The following RANBP2 variants were observed in gnomAD, a reference collection of about 807,000 sequenced individuals.
The protein encoded by RANBP2 is E3 SUMO-protein ligase RanBP2.
A neutral mutation model predicts 303.6 loss-of-function variants in RANBP2; 57 were observed. That is an observed-to-expected ratio of 0.19 (90% CI 0.15 to 0.23). The LOEUF is 0.23. Among genes scored for constraint, RANBP2 ranks in the 10% least tolerant of loss-of-function variants. The pLI is 1.00. For missense variants in RANBP2, 3,138 were observed against 3,780.8 expected (o/e 0.83, Z 4.46); for synonymous variants, 1,167 against 1,301.5 (o/e 0.90, Z 2.23).
the RANBP2 span, among the ~76,000 whole-genome samples, chr2:108,901,964 G>A: frequency 6.6e-6 from 1 of 152,106 alleles, no homozygotes; most frequent in East Asian, 1.9e-4. Context: ...TTAGGGCTGG[G>A]CATGGTGGCT....
At chr2:109,726,571 A>C in the RANBP2 span, among the ~76,000 whole-genome samples, 1 of 152,082 alleles carries the variant, frequency 6.6e-6, no homozygotes, top group South Asian at 2.1e-4. Context: ...GTGATCATTA[A>C]CCACTTTCGT....
At chr2:109,762,472 G>C in the RANBP2 span, among the ~76,000 whole-genome samples, 1 of 147,550 alleles carries the variant, frequency 6.8e-6, no homozygotes. Flanking sequence ...CTGCTTGTCT[G>C]CTTGCTGACT....
At chr2:108,722,125 A>G (rs1472432728) in intron 1 of RANBP2, among the ~76,000 whole-genome samples, 10 of 152,014 alleles carry the variant, frequency 6.6e-5, no homozygotes, top group Non-Finnish European at 1.2e-4. Flanking sequence ...GGCTTCCAAA[A>G]GATTAAAAAC....
chr2:109,303,156 G>A, the RANBP2 span, among the ~76,000 whole-genome samples: 8 of 152,198 alleles, frequency 5.3e-5, no homozygotes, highest in African/African-American at 9.6e-5. Context: ...GACTGCAGGC[G>A]TGAGCCACCG....
chr2:109,593,097 G>T, the RANBP2 span: 44 of 1,596,970 alleles, frequency 2.8e-5, no homozygotes, highest in South Asian at 4.0e-4. Flanking sequence ...AGTTGTTTTC[G>T]TTGCCATGTG....
At chr2:109,352,536 G>A in the RANBP2 span, among the ~76,000 whole-genome samples, 2 of 152,214 alleles carry the variant, frequency 1.3e-5, no homozygotes, top group Admixed American at 6.5e-5. Context: ...TTTGGGGGCC[G>A]AGACGATGAG....
chr2:108,846,923 C>T, the RANBP2 span: 1 of 1,580,718 alleles, frequency 6.3e-7, no homozygotes, highest in Non-Finnish European at 8.7e-7. Flanking sequence ...TCAAAACAGT[C>T]ACTCAAGGTA....
the RANBP2 span, among the ~76,000 whole-genome samples, chr2:109,012,716 C>T: frequency 1.3e-5 from 2 of 152,274 alleles, no homozygotes; most frequent in East Asian, 1.9e-4. Flanking sequence ...AGATCGAGAC[C>T]ATCCTGGCCA....
At chr2:108,991,791 G>A in the RANBP2 span, among the ~76,000 whole-genome samples, 2 of 152,154 alleles carry the variant, frequency 1.3e-5, no homozygotes, top group East Asian at 1.9e-4. Context: ...TCTGGTCATC[G>A]TGATTTTAAA....
the RANBP2 span, among the ~76,000 whole-genome samples, chr2:109,601,029 G>GT: frequency 1.3e-5 from 2 of 152,162 alleles, no homozygotes; most frequent in Admixed American, 6.5e-5. Context: ...ATGGATGTGT[G>GT]TAAGCCTCCA....
At chr2:108,831,702 T>TTCCTTCCG in the RANBP2 span, among the ~76,000 whole-genome samples, 1 of 141,430 alleles carries the variant, frequency 7.1e-6, no homozygotes, top group Non-Finnish European at 1.6e-5. Flanking sequence ...GCACAGAATC[T>TTCCTTCCG]TCCTTCCTTC....
the RANBP2 span, among the ~76,000 whole-genome samples, chr2:109,583,322 A>G: frequency 2.6e-5 from 4 of 152,198 alleles, no homozygotes; most frequent in African/African-American, 9.6e-5. Flanking sequence ...AAACAAGGAA[A>G]AAACAACCCC....
At chr2:109,635,558 C>T in the RANBP2 span, among the ~76,000 whole-genome samples, 1 of 152,164 alleles carries the variant, frequency 6.6e-6, no homozygotes, top group African/African-American at 2.4e-5. Context: ...GGCAGATCCT[C>T]GCTGTGAGAG....
chr2:109,296,105 G>A, the RANBP2 span, among the ~76,000 whole-genome samples: 2 of 152,088 alleles, frequency 1.3e-5, no homozygotes, highest in East Asian at 1.9e-4. Flanking sequence ...AGGCTGCTGG[G>A]TCCATTCACT....
chr2:109,073,239 G>A, the RANBP2 span, among the ~76,000 whole-genome samples: 12 of 152,094 alleles, frequency 7.9e-5, no homozygotes, highest in East Asian at 1.9e-4. Flanking sequence ...CAGAAATCAC[G>A]GAGCTGAAGA....
the RANBP2 span, chr2:109,432,694 C>G: frequency 6.2e-7 from 1 of 1,602,204 alleles, no homozygotes; most frequent in Non-Finnish European, 8.5e-7. Flanking sequence ...TGGTGGCAGC[C>G]TGGGCAAGGA....
At chr2:109,799,262 G>A in the RANBP2 span, among the ~76,000 whole-genome samples, 1 of 136,942 alleles carries the variant, frequency 7.3e-6, no homozygotes, top group South Asian at 2.4e-4. Flanking sequence ...AAAAGGAAGG[G>A]GGGAACAGGC....
chr2:109,720,405 T>C, the RANBP2 span, among the ~76,000 whole-genome samples: 9 of 152,116 alleles, frequency 5.9e-5, no homozygotes, highest in African/African-American at 2.2e-4. Flanking sequence ...TAGAATCACC[T>C]AAGGAGCTTT....
the RANBP2 span, among the ~76,000 whole-genome samples, chr2:109,272,074 G>T: frequency 6.6e-6 from 1 of 152,110 alleles, no homozygotes; most frequent in African/African-American, 2.4e-5. Context: ...TCATGGCCGG[G>T]CCTCCTGCCC....
Sources: gnomAD v4.1 joint callset for allele counts (sites outside exome capture counted in the v4.1 genomes callset) on GRCh38, gnomAD v4.1.1 for gene constraint, MANE v1.5 for transcripts, NCBI Gene and HGNC (gene_info 2026-07-23, HGNC 2026-07-21) for gene names.